The following LINGO2 variants were observed in gnomAD, a reference collection of about 807,000 sequenced individuals.
LINGO2 encodes leucine-rich repeat and immunoglobulin-like domain-containing nogo receptor-interacting protein 2.
Under a neutral mutation model 30.6 loss-of-function variants are expected in LINGO2, and 14 were observed. The observed-to-expected ratio is 0.46, with a 90% CI of 0.30 to 0.72. The LOEUF is 0.72. Among genes scored for constraint, LINGO2 ranks in the 30% least tolerant of loss-of-function variants. LINGO2 has a pLI of 0.07. For missense variants in LINGO2, 729 were observed against 751.7 expected, an observed-to-expected ratio of 0.97 and a Z score of 0.35; for synonymous variants, 317 against 288.5, an observed-to-expected ratio of 1.10 and a Z score of -1.00.
At chr9:28,110,451 A>G (rs934493260) in intron 4 of LINGO2, among the ~76,000 whole-genome samples, 4 of 152,248 alleles carry the variant, frequency 2.6e-5, no homozygotes, top group African/African-American at 9.6e-5. Context: ...CATCAGAGTG[A>G]ACAGGCAACC....
chr9:28,155,734 C>T (rs189653605), intron 4 of LINGO2, among the ~76,000 whole-genome samples: 8 of 152,184 alleles, frequency 5.3e-5, no homozygotes, highest in East Asian at 1.9e-4. Flanking sequence ...CTGGAGGTGA[C>T]GGTATTAGGA....
the LINGO2 span, among the ~76,000 whole-genome samples, chr9:29,212,723 C>G: frequency 2.6e-5 from 4 of 152,176 alleles, no homozygotes; most frequent in African/African-American, 9.6e-5. Context: ...AGTGTGAGGA[C>G]AGGACACTCC....
chr9:28,401,611 T>A lies in LINGO2; in HGVS notation c.-278-28743A>T, dbSNP rs190039653. On this transcript the variant is annotated intron_variant, in intron 2 of 5. Transcript: ENST00000379992. ...CAGTAAATATATGTGTGTATGTGTC[T>A]TTATAGTAGAATAATTTATAATACT... is the stretch of plus-strand genomic sequence containing the variant. Among the ~76,000 whole-genome samples, 3 of 152,316 alleles carry A rather than the reference T, an allele frequency of 2.0e-5. No individual in the cohort carries two copies. In the East Asian group the frequency reaches 5.8e-4, roughly 29 times the overall value.
chr9:28,500,077 C>G (rs1297652897), intron 1 of LINGO2, among the ~76,000 whole-genome samples: 1 of 152,086 alleles, frequency 6.6e-6, no homozygotes, highest in Non-Finnish European at 1.5e-5. Context: ...AGTCATCTGC[C>G]CTTCTCCCTG....
intron 4 of LINGO2, among the ~76,000 whole-genome samples, chr9:28,054,190 G>A (rs1824810388): frequency 6.6e-6 from 1 of 152,070 alleles, no homozygotes; most frequent in Non-Finnish European, 1.5e-5. Flanking sequence ...GGCATTAGGA[G>A]AAATCTTAAT....
the LINGO2 span, among the ~76,000 whole-genome samples, chr9:28,878,829 G>T: frequency 6.6e-6 from 1 of 152,048 alleles, no homozygotes; most frequent in African/African-American, 2.4e-5. Context: ...GGTACTGATG[G>T]GACGTATCTC....
the LINGO2 span, among the ~76,000 whole-genome samples, chr9:28,769,491 TATATATATATATATATATATA>T: frequency 5.9e-4 from 4 of 6,754 alleles, no homozygotes; most frequent in African/African-American, 7.7e-4. Flanking sequence ...TATATATATA[TATATATATATATATATATATA>T]TATATATTTT....
At chr9:28,861,343 T>C in the LINGO2 span, among the ~76,000 whole-genome samples, 4 of 132,860 alleles carry the variant, frequency 3.0e-5, no homozygotes, top group Non-Finnish European at 6.2e-5. Context: ...ATATTATTAA[T>C]ATATATACAT....
At chr9:28,352,986 T>C (rs1242500776) in intron 3 of LINGO2, among the ~76,000 whole-genome samples, 10 of 145,674 alleles carry the variant, frequency 6.9e-5, no homozygotes, top group South Asian at 2.2e-4. Context: ...CCTTACACCT[T>C]ATACAAAAAT....
At chr9:28,143,175 T>C (rs1236007881) in intron 4 of LINGO2, among the ~76,000 whole-genome samples, 1 of 152,176 alleles carries the variant, frequency 6.6e-6, no homozygotes, top group Non-Finnish European at 1.5e-5. Context: ...AAGCATTAAA[T>C]TTGAAGAAAT....
At chr9:28,770,271 C>G in the LINGO2 span, among the ~76,000 whole-genome samples, 1 of 152,108 alleles carries the variant, frequency 6.6e-6, no homozygotes, top group Non-Finnish European at 1.5e-5. Flanking sequence ...CCATCTTTTT[C>G]TAGCAGCTAT....
chr9:28,108,149 G>A (rs1310707466), intron 4 of LINGO2, among the ~76,000 whole-genome samples: 2 of 152,072 alleles, frequency 1.3e-5, no homozygotes, highest in African/African-American at 2.4e-5. Flanking sequence ...CTTTGCACTC[G>A]ATTCCGAAAG....
At chr9:28,063,204 A>G (rs929908109) in intron 4 of LINGO2, among the ~76,000 whole-genome samples, 1 of 152,168 alleles carries the variant, frequency 6.6e-6, no homozygotes, top group African/African-American at 2.4e-5. Context: ...CAGAAACAGA[A>G]GAATGTAATA....
rs115950346 is a variant in LINGO2 at position 28,596,438 on chromosome 9, C to T, written c.-365+73762G>A. Reference sequence around the variant, plus strand: ...AGGCTAGTGTTTCAGTTGGATGCTTCTTAACAAATATATTGACTTTTTTCT... The same window carrying T: ...AGGCTAGTGTTTCAGTTGGATGCTTTTTAACAAATATATTGACTTTTTTCT... On this transcript the variant is annotated intron_variant, in intron 1 of 5. Transcript: ENST00000379992. 5.6e-3 allele frequency among the ~76,000 whole-genome samples: 856 copies of T among 152,204 alleles called. 10 individuals carry two copies. The highest frequency in any genetic ancestry group is 0.02 in the African/African-American group (825 of 41,558).
At chr9:28,327,623 T>A (rs1338476394) in intron 3 of LINGO2, among the ~76,000 whole-genome samples, 1 of 152,198 alleles carries the variant, frequency 6.6e-6, no homozygotes, top group Non-Finnish European at 1.5e-5. Context: ...ATTTTGTTTG[T>A]TTTTCAAAAA....
intron 1 of LINGO2, among the ~76,000 whole-genome samples, chr9:28,601,912 C>T (rs1301188619): frequency 3.3e-5 from 5 of 151,984 alleles, no homozygotes; most frequent in Non-Finnish European, 7.4e-5. Flanking sequence ...AAAATAACAG[C>T]TGGAAGTGTG....
chr9:28,738,853 A>T, the LINGO2 span, among the ~76,000 whole-genome samples: 1 of 152,088 alleles, frequency 6.6e-6, no homozygotes, highest in Non-Finnish European at 1.5e-5. Context: ...TATATTTGAT[A>T]ACACATTAAA....
chr9:28,548,993 C>G (rs1003210201), intron 1 of LINGO2, among the ~76,000 whole-genome samples: 4 of 151,850 alleles, frequency 2.6e-5, no homozygotes, highest in Non-Finnish European at 5.9e-5. Flanking sequence ...AGATATAATA[C>G]ATATTTTATA....
chr9:28,837,649 A>AAAATATATATAT, the LINGO2 span, among the ~76,000 whole-genome samples: 1 of 75,794 alleles, frequency 1.3e-5, no homozygotes, highest in African/African-American at 5.2e-5. Context: ...CTCCGTCTAA[A>AAAATATATATAT]ATATATATAT....
Sources: allele counts gnomAD v4.1 joint callset (sites outside exome capture counted in the v4.1 genomes callset), GRCh38; gene constraint gnomAD v4.1.1; transcripts MANE v1.5; gene names NCBI Gene and HGNC (gene_info 2026-07-23, HGNC 2026-07-21).